The following TRPC6 variants were observed in gnomAD, a reference collection of about 807,000 sequenced individuals.
The protein encoded by TRPC6 is short transient receptor potential channel 6.
In TRPC6, 55 loss-of-function variants were observed where a neutral mutation model predicts 90.7. The ratio of observed to expected loss-of-function variants is 0.61; its 90% CI spans 0.49 to 0.76. TRPC6 has a LOEUF of 0.76. Ranked by LOEUF, TRPC6 falls within the 30% of genes least tolerant of loss-of-function variation. The pLI, the probability that TRPC6 is intolerant of heterozygous loss-of-function variation, is 0.00. For missense variants in TRPC6, 989 were observed against 1,122.7 expected, an observed-to-expected ratio of 0.88 and a Z score of 1.70; for synonymous variants, 393 against 393.0, an observed-to-expected ratio of 1.00 and a Z score of 0.00.
chr11:101,533,036 A>G (rs78752240), intron 1 of TRPC6, among the ~76,000 whole-genome samples: 1,578 of 152,236 alleles, frequency 0.01, 12 homozygotes, highest in South Asian at 0.016. Context: ...ACAAACCGAG[A>G]AGGTCAGGGT....
intron 11 of TRPC6, 33 bp from the exon 12 acceptor site, chr11:101,453,758 G>A (rs1053852570): frequency 5.7e-6 from 9 of 1,589,898 alleles, no homozygotes; most frequent in Non-Finnish European, 7.8e-6. Flanking sequence ...ATCTATGTCA[G>A]TTTCAGGTTC....
chr11:101,472,395 A>G (rs1382231576), intron 7 of TRPC6, 63 bp from the exon 8 acceptor site: 1 of 1,485,698 alleles, frequency 6.7e-7, no homozygotes, highest in Non-Finnish European at 9.1e-7. Context: ...CAATATTACC[A>G]TAATAAAAGT....
At chr11:101,575,046 A>T (rs2136895339) in intron 1 of TRPC6, among the ~76,000 whole-genome samples, 1 of 152,276 alleles carries the variant, frequency 6.6e-6, no homozygotes, top group Non-Finnish European at 1.5e-5. Context: ...TCCACACTGT[A>T]ATTGATTCCT....
At position 101,583,622 on chromosome 11, in the gene TRPC6, GC is replaced by G; in HGVS notation, c.-120del. The G allele has an allele frequency of 8.6e-7, 1 of 1,162,318 alleles. No homozygotes were observed. The highest frequency in any genetic ancestry group is 1.1e-6 in the Non-Finnish European group (1 of 881,638). The allele number at this position is 1,162,318 out of a possible 1,614,324, so 72.0% of individuals were successfully genotyped here. ...CCGAACTGGACCTGGGCAGACCGGT[GC>G]CCAGGGGACGACGGTGAAGCAGGGG... On this transcript the variant is annotated 5_prime_UTR_variant, in exon 1 of 13. Coordinates refer to ENST00000344327, the MANE Select transcript of TRPC6 (RefSeq NM_004621.6).
chr11:101,489,431 A>G (rs1859753212), intron 3 of TRPC6, among the ~76,000 whole-genome samples: 1 of 152,142 alleles, frequency 6.6e-6, no homozygotes, highest in Non-Finnish European at 1.5e-5. Context: ...TTTTTCATCT[A>G]GAAAGAGATC....
intron 8 of TRPC6, among the ~76,000 whole-genome samples, chr11:101,471,783 A>T (rs1015809770): frequency 6.6e-6 from 1 of 152,220 alleles, no homozygotes; most frequent in African/African-American, 2.4e-5. Flanking sequence ...GAAAAGGTCA[A>T]TTTTGAATAT....
intron 1 of TRPC6, among the ~76,000 whole-genome samples, chr11:101,514,490 G>C (rs1299521487): frequency 6.6e-6 from 1 of 152,112 alleles, no homozygotes; most frequent in Admixed American, 6.6e-5. Context: ...AATCACAGTT[G>C]TTTAAGTCAG....
chr11:101,454,296 T>C (rs1271801954), intron 11 of TRPC6, among the ~76,000 whole-genome samples: 1 of 152,120 alleles, frequency 6.6e-6, no homozygotes, highest in African/African-American at 2.4e-5. Flanking sequence ...TCTTGATGGA[T>C]ATAGAACTAA....
Position 101,564,623 on chromosome 11 carries a change from G to A in TRPC6, c.170+18711C>T, listed in dbSNP as rs560346569. On this transcript the variant is annotated intron_variant, in intron 1 of 12. Coordinates refer to ENST00000344327, the MANE Select transcript of TRPC6 (RefSeq NM_004621.6). ...TCCATGCTCATGGATTGGAAAAATC[G>A]ATATTGTTAAACCTTTCATATTACC... is the stretch of plus-strand genomic sequence containing the variant. Among the ~76,000 whole-genome samples, 8 of 152,086 alleles carry A rather than the reference G, an allele frequency of 5.3e-5. No homozygotes were observed. In the South Asian group the frequency reaches 6.2e-4, roughly 12 times the overall value.
At chr11:101,554,126 T>C (rs1288012732) in intron 1 of TRPC6, among the ~76,000 whole-genome samples, 2 of 152,086 alleles carry the variant, frequency 1.3e-5, no homozygotes, top group African/African-American at 4.8e-5. Flanking sequence ...AATGGTTCTA[T>C]AAATAAAGAG....
At position 101,491,673 on chromosome 11, in the gene TRPC6, T is replaced by G. The variant is rs1351363123; in HGVS notation, c.1011A>C (p.Arg337Ser). 6.2e-7 allele frequency: 1 copy of G among 1,613,908 alleles called. No homozygotes were observed. The highest frequency in any genetic ancestry group is 1.3e-5 in the African/African-American group (1 of 74,890). The change falls in exon 3 of 13, where the codon AGA becomes AGC. Residue 337 changes from arginine (R) to serine (S), a missense_variant. By Grantham distance (110) the Arg-to-Ser change is moderately radical. Coordinates refer to ENST00000344327, the MANE Select transcript of TRPC6 (RefSeq NM_004621.6). ...GAATGGCCTCGACTTCTTCAGTGTT[T>G]CTGCACAGATCAAGGAGTCCAACAA... The part of the protein sequence containing the change: ...DFVVGLLDLC[R>S]NTEEVEAILN...
chr11:101,499,544 A>T (rs1860037351), intron 2 of TRPC6, among the ~76,000 whole-genome samples: 1 of 146,612 alleles, frequency 6.8e-6, no homozygotes, highest in Non-Finnish European at 1.5e-5. Context: ...CATACCAACT[A>T]ATTTTTAGCT....
At chr11:101,464,931 G>A (rs750146034) in intron 10 of TRPC6, among the ~76,000 whole-genome samples, 4 of 152,250 alleles carry the variant, frequency 2.6e-5, no homozygotes, top group Middle Eastern at 3.4e-3. Context: ...AGCTTGTACC[G>A]GTTTTTCCTT....
intron 1 of TRPC6, among the ~76,000 whole-genome samples, chr11:101,506,935 G>C (rs1860282049): frequency 6.7e-6 from 1 of 149,820 alleles, no homozygotes; most frequent in South Asian, 2.1e-4. Flanking sequence ...GTTACTTCTT[G>C]ATTTTTCAGG....
chr11:101,470,230 G>A (rs183867854), intron 9 of TRPC6, among the ~76,000 whole-genome samples: 2 of 152,300 alleles, frequency 1.3e-5, no homozygotes, highest in Admixed American at 1.3e-4. Flanking sequence ...CTTATTAAAA[G>A]TTTGCTCTTA....
At chr11:101,466,111 C>G (rs962456961) in intron 10 of TRPC6, among the ~76,000 whole-genome samples, 5 of 152,186 alleles carry the variant, frequency 3.3e-5, no homozygotes, top group African/African-American at 1.2e-4. Context: ...GGCTGCAGAA[C>G]AGCAAAGATT....
Position 101,482,983 on chromosome 11 carries a change from T to A in TRPC6, c.1476A>T (p.Ser492=). Residue 492 remains serine, a synonymous_variant, in exon 5 of 13, where the codon TCA becomes TCT. Transcript: ENST00000344327. ...AGGATATAATGAGCATCTCCATCCATGAGAAGCAGGATGTTTTCATCCTGA... is the reference window on the plus strand; with the variant it reads ...AGGATATAATGAGCATCTCCATCCAAGAGAAGCAGGATGTTTTCATCCTGA... The part of the protein sequence containing the change: ...QLFRMKTSCF[S]WMEMLIISWV... The A allele has an allele frequency of 6.2e-7, 1 of 1,614,000 alleles. No homozygotes were observed. The highest frequency in any genetic ancestry group is 8.5e-7 in the Non-Finnish European group (1 of 1,179,886).
At chr11:101,582,976 C>T (rs924887643) in intron 1 of TRPC6, among the ~76,000 whole-genome samples, 17 of 152,268 alleles carry the variant, frequency 1.1e-4, no homozygotes, top group South Asian at 2.1e-4. Context: ...GTTCAGATCC[C>T]GCCTGTTACG....
At chr11:101,561,442 T>G (rs1861710979) in intron 1 of TRPC6, among the ~76,000 whole-genome samples, 1 of 152,200 alleles carries the variant, frequency 6.6e-6, no homozygotes, top group African/African-American at 2.4e-5. Flanking sequence ...ACTCTTTTAT[T>G]CACTTAGAAG....
Sources: gnomAD v4.1 joint callset for allele counts (sites outside exome capture counted in the v4.1 genomes callset) on GRCh38, gnomAD v4.1.1 for gene constraint, MANE v1.5 for transcripts, NCBI Gene and HGNC (gene_info 2026-07-23, HGNC 2026-07-21) for gene names.